CSMD1: variants seen among roughly 807,000 people sequenced by gnomAD.
The protein encoded by CSMD1 is CUB and sushi domain-containing protein 1.
CSMD1 carries 213 observed loss-of-function variants against 417.5 expected under a neutral mutation model. The ratio of observed to expected loss-of-function variants is 0.51; its 90% confidence interval spans 0.46 to 0.57. The LOEUF (loss-of-function observed/expected upper bound fraction) is 0.57. Ranked by LOEUF, CSMD1 falls within the 20% of genes least tolerant of loss-of-function variation. The pLI, the probability that CSMD1 is intolerant of heterozygous loss-of-function variation, is 0.00. For synonymous variants in CSMD1, 2,862 were observed against 1,736.8 expected, an observed-to-expected ratio of 1.65 and a Z score of -16.11; for missense variants, 6,923 against 4,529.7, an observed-to-expected ratio of 1.53 and a Z score of -15.17.
chr8:4,519,331 G>A (rs1803301046), intron 2 of CSMD1, among the ~76,000 whole-genome samples: 2 of 151,614 alleles, frequency 1.3e-5, no homozygotes, highest in South Asian at 2.1e-4. Flanking sequence ...TGAACTTATG[G>A]TTCAATGATA....
chr8:4,681,888 C>CA (rs1806074555), intron 1 of CSMD1, among the ~76,000 whole-genome samples: 1 of 152,176 alleles, frequency 6.6e-6, no homozygotes, highest in African/African-American at 2.4e-5. Context: ...ATGCTCAGAA[C>CA]AAATGTTCAG....
chr8:4,445,866 C>CT (rs1202999196), intron 2 of CSMD1, among the ~76,000 whole-genome samples: 2 of 152,266 alleles, frequency 1.3e-5, no homozygotes, highest in East Asian at 1.9e-4. Flanking sequence ...AGTGTTCTCC[C>CT]GCTGGAGAAG....
chr8:3,412,125 T>C (rs1173468346), intron 12 of CSMD1, among the ~76,000 whole-genome samples: 1 of 129,508 alleles, frequency 7.7e-6, no homozygotes, highest in African/African-American at 3.0e-5. Context: ...TATACACACG[T>C]ATATATACAT....
At chr8:4,253,531 A>G (rs1340507775) in intron 3 of CSMD1, among the ~76,000 whole-genome samples, 1 of 152,204 alleles carries the variant, frequency 6.6e-6, no homozygotes, top group African/African-American at 2.4e-5. Flanking sequence ...AAAGAAGAAA[A>G]GGATGATGTT....
chr8:4,537,277 A>G (rs532739236), intron 2 of CSMD1, among the ~76,000 whole-genome samples: 2 of 152,322 alleles, frequency 1.3e-5, no homozygotes, highest in Non-Finnish European at 2.9e-5. Context: ...TAAATTATCC[A>G]TCTGGTAAAA....
intron 2 of CSMD1, among the ~76,000 whole-genome samples, chr8:4,540,855 C>G (rs76214058): frequency 0.018 from 2,701 of 152,174 alleles, 76 homozygotes; most frequent in East Asian, 0.089. Context: ...CTCACCCAAA[C>G]CAGCAACACA....
At chr8:3,812,560 G>A (rs115106957) in intron 5 of CSMD1, among the ~76,000 whole-genome samples, 5,074 of 152,224 alleles carry the variant, frequency 0.033, 120 homozygotes, top group African/African-American at 0.076. Flanking sequence ...AACTATCCTC[G>A]GAGACCTTGC....
intron 3 of CSMD1, among the ~76,000 whole-genome samples, chr8:4,293,018 A>G (rs375662385): frequency 6.6e-6 from 1 of 152,186 alleles, no homozygotes; most frequent in South Asian, 2.1e-4. Context: ...CAAGGGAGGG[A>G]AAGTGTGGTT....
chr8:4,707,886 C>CAA lies in CSMD1; in HGVS notation c.86-70330_86-70329dup, dbSNP rs552510236. On this transcript the variant is annotated intron_variant, in intron 1 of 69. Transcript: ENST00000635120. Reference sequence around the variant, plus strand: ...TGGGGACAAGAGCAAGACTTTGTTTCAAAAAAAAAAAAAAAAAAAAAAAAA... The same window carrying CAA: ...TGGGGACAAGAGCAAGACTTTGTTTCAAAAAAAAAAAAAAAAAAAAAAAAAAA... 4.8e-3 allele frequency among the ~76,000 whole-genome samples: 480 copies of CAA among 100,708 alleles called. 1 individual carries two copies. The highest frequency in any genetic ancestry group is 7.7e-3 in the Non-Finnish European group (385 of 49,930). 66.1% of individuals were successfully genotyped at this position (100,708 alleles called of 152,430 possible).
At chr8:3,213,633 T>C (rs1477905988) in intron 30 of CSMD1, among the ~76,000 whole-genome samples, 1 of 151,832 alleles carries the variant, frequency 6.6e-6, no homozygotes, top group African/African-American at 2.4e-5. Flanking sequence ...TACATATTAG[T>C]TTTTTCTCTC....
Position 4,961,615 on chromosome 8 carries a change from C to T in CSMD1, c.85+32717G>A, listed in dbSNP as rs369488664. 7.2e-5 allele frequency among the ~76,000 whole-genome samples: 11 copies of T among 152,170 alleles called. No homozygotes were observed. The East Asian group carries it at 1.7e-3, about 24-fold the overall frequency. On this transcript the variant is annotated intron_variant, in intron 1 of 69. Transcript: ENST00000635120. ...ACTGTGAAATTCTGTGCCGTTTTGT[C>T]GCTCAAACTTTTGTATGAGCTCTAT...
At chr8:3,257,840 A>C (rs1019229372) in intron 26 of CSMD1, among the ~76,000 whole-genome samples, 4 of 152,152 alleles carry the variant, frequency 2.6e-5, no homozygotes, top group Non-Finnish European at 5.9e-5. Context: ...AGGCAGCTGC[A>C]AGGGACTTGG....
At chr8:4,697,990 G>C (rs976299693) in intron 1 of CSMD1, among the ~76,000 whole-genome samples, 3 of 152,124 alleles carry the variant, frequency 2.0e-5, no homozygotes, top group Non-Finnish European at 2.9e-5. Flanking sequence ...TTACCATCTA[G>C]ATCTTACATC....
chr8:3,489,917 T>C (rs1199592549), intron 11 of CSMD1, among the ~76,000 whole-genome samples: 1 of 152,214 alleles, frequency 6.6e-6, no homozygotes, highest in Non-Finnish European at 1.5e-5. Context: ...TGCTGCTTTA[T>C]GTAAAATGTG....
intron 20 of CSMD1, among the ~76,000 whole-genome samples, chr8:3,360,450 G>C (rs1809087005): frequency 2.0e-5 from 3 of 152,194 alleles, no homozygotes; most frequent in Admixed American, 2.0e-4. Context: ...TGGGAAGTGA[G>C]AAAGTGTGGG....
At chr8:3,010,149 G>A (rs145595483) in intron 52 of CSMD1, among the ~76,000 whole-genome samples, 2 of 152,110 alleles carry the variant, frequency 1.3e-5, no homozygotes, top group African/African-American at 4.8e-5. Context: ...AACCCCAAAG[G>A]AAGAGCTGCC....
chr8:3,223,696 T>G (rs1190811637), intron 28 of CSMD1, 33 bp downstream of exon 28: 1 of 1,607,138 alleles, frequency 6.2e-7, no homozygotes, highest in Admixed American at 1.7e-5. Context: ...TTAAAAATCC[T>G]ACTAAAAAGA....
chr8:4,248,412 A>T (rs925058270), intron 3 of CSMD1, among the ~76,000 whole-genome samples: 9 of 152,186 alleles, frequency 5.9e-5, no homozygotes, highest in Non-Finnish European at 1.3e-4. Context: ...GCGCTTATAA[A>T]AGAAGAGAGC....
chr8:4,453,591 A>C (rs1799284104), intron 2 of CSMD1, among the ~76,000 whole-genome samples: 1 of 152,038 alleles, frequency 6.6e-6, no homozygotes, highest in East Asian at 1.9e-4. Flanking sequence ...GAACAATTGA[A>C]CTGCTGTGAA....
Sources: allele counts gnomAD v4.1 joint callset (sites outside exome capture counted in the v4.1 genomes callset), GRCh38; gene constraint gnomAD v4.1.1; transcripts MANE v1.5; gene names NCBI Gene and HGNC (gene_info 2026-07-23, HGNC 2026-07-21).